SEPTIN8: variants seen among roughly 807,000 people sequenced by gnomAD.
SEPTIN8 encodes the protein septin-8.
SEPTIN8 carries 22 observed loss-of-function variants against 53.1 expected under a neutral mutation model. The observed-to-expected ratio is 0.41, with a 90% CI of 0.30 to 0.59. The LOEUF (loss-of-function observed/expected upper bound fraction) is 0.59, where lower values mean the gene tolerates loss of function less well. Among genes scored for constraint, SEPTIN8 ranks in the 20% least tolerant of loss-of-function variants. The pLI, the probability that SEPTIN8 is intolerant of heterozygous loss-of-function variation, is 0.24. For missense variants in SEPTIN8, 536 were observed against 638.7 expected, an observed-to-expected ratio of 0.84 and a Z score of 1.73; for synonymous variants, 228 against 248.4, an observed-to-expected ratio of 0.92 and a Z score of 0.77.
chr5:132,765,093 G>T (rs1160592413), intron 2 of SEPTIN8, among the ~76,000 whole-genome samples: 1 of 152,050 alleles, frequency 6.6e-6, no homozygotes, highest in African/African-American at 2.4e-5. Flanking sequence ...GTGGGAAGCA[G>T]TAAATGAGTA....
rs115198828 is a variant in SEPTIN8, at chr5:132,752,929, T to C, written c.1287-748A>G. ...AATGCAGCAACTGAGAAGTCTTCAG[T>C]CATCCTCCTGCACAGACAACTTTGT... On this transcript the variant is annotated intron_variant, in intron 9 of 9. Coordinates refer to ENST00000378719, the MANE Select transcript of SEPTIN8 (RefSeq NM_001098811.2). The C allele has an allele frequency of 3.0e-5, 48 of 1,614,196 alleles. No homozygotes were observed. The East Asian group carries it at 1.0e-3, about 35-fold the overall frequency.
At chr5:132,767,906 TGCC>T (rs1438365176) in intron 1 of SEPTIN8, among the ~76,000 whole-genome samples, 1 of 148,988 alleles carries the variant, frequency 6.7e-6, no homozygotes, top group Non-Finnish European at 1.5e-5. Context: ...TCCTGTAGTC[TGCC>T]GCCAAACCCC....
chr5:132,764,228 C>T lies in SEPTIN8; in HGVS notation c.343G>A (p.Glu115Lys). 6.2e-7 allele frequency: 1 copy of T among 1,611,630 alleles called. No homozygotes were observed. Among genetic ancestry groups the T allele is most frequent in the Non-Finnish European group, 8.5e-7 (1 of 1,178,528 alleles). ...GCCGCCCTTCCCGCCTCTTGCCTCT[C>T]ATCCTTATTGATCTGATCCCCAAAG... ...VGFGDQINKD[E>K]SYRPIVDYID... is the part of the protein sequence containing the mutation. The change falls in exon 3 of 10, where the codon GAG becomes AAG. Residue 115 changes from glutamate (E) to lysine (K), a missense_variant. Physicochemically the swap from Glu to Lys is moderately conservative, Grantham distance 56 (BLOSUM62 1). Around this residue, in one of 3 missense-constraint regions of SEPTIN8, gnomAD observed 395 missense variants for 451.8 expected, o/e 0.87. Transcript: ENST00000378719.
chr5:132,771,513 A>T (rs1757316119), intron 1 of SEPTIN8, among the ~76,000 whole-genome samples: 2 of 152,162 alleles, frequency 1.3e-5, no homozygotes, highest in Admixed American at 1.3e-4. Flanking sequence ...ACTCACCTGT[A>T]CACCCAGTCA....
chr5:132,758,443 A>G (rs376081226), intron 9 of SEPTIN8: 91 of 1,588,290 alleles, frequency 5.7e-5, no homozygotes, highest in Non-Finnish European at 7.3e-5. Context: ...GTGAGTTGCC[A>G]TCTCCACGCT....
In SEPTIN8 at chr5:132,761,674, A is replaced by G. The variant is rs755944044; in HGVS notation, c.794-48T>C. On this transcript the variant is annotated intron_variant, in intron 6 of 9. Coordinates refer to ENST00000378719, the MANE Select transcript of SEPTIN8 (RefSeq NM_001098811.2). The surrounding 1 kb of genome is among the most constrained non-coding windows in gnomAD (Gnocchi z 5.8). The stretch of plus-strand genomic sequence containing the variant: ...GTATCAGGCAGGCATGCAGGCGGGC[A>G]CACTCCAGAGTCAGGGTAGGCACGC... 3.1e-6 allele frequency: 5 copies of G among 1,606,044 alleles called. No individual in the cohort carries two copies. The highest frequency in any genetic ancestry group is 4.3e-6 in the Non-Finnish European group (5 of 1,175,792).
rs1049302919 is a variant in SEPTIN8, at chr5:132,776,577, G to C, written c.30+531C>G. 3.3e-5 allele frequency among the ~76,000 whole-genome samples: 5 copies of C among 152,256 alleles called. No homozygotes were observed. The highest frequency in any genetic ancestry group is 7.4e-5 in the Non-Finnish European group (5 of 68,026). ...CCGGCGTGGGGAGCGGGGCAGAGGG[G>C]AGCGGGGGAGGAAGGAAAAGCAGGC... On this transcript the variant is annotated intron_variant, in intron 1 of 9. Coordinates refer to ENST00000378719, the MANE Select transcript of SEPTIN8 (RefSeq NM_001098811.2). The surrounding 1 kb of genome is among the most constrained non-coding windows in gnomAD (Gnocchi z 4.4).
Position 132,761,265 on chromosome 5 carries a change from G to T in SEPTIN8, c.963C>A (p.Ser321Arg), listed in dbSNP as rs1755912540. The T allele has an allele frequency of 1.2e-6, 2 of 1,613,364 alleles. No individual in the cohort carries two copies. Among genetic ancestry groups the T allele is most frequent in the South Asian group, 1.1e-5 (1 of 91,084 alleles). The change falls in exon 8 of 10, where the codon AGC (serine) becomes AGA (arginine). Residue 321 changes from serine (S) to arginine (R), a missense_variant and splice_region_variant. By Grantham distance (110) the Ser-to-Arg change is moderately radical. Transcript: ENST00000378719. This position sits in a 1 kb window ranked among gnomAD's most constrained non-coding sequence, Gnocchi z 5.8. ...QDSDGDSQPF[S>R]LQETYEAKRK... ...TCTTGGCCTCGTATGTCTCTTGTAGGCTGTGGAGACCCAGAGAAAAGAGGC... is the reference window on the plus strand; with the variant it reads ...TCTTGGCCTCGTATGTCTCTTGTAGTCTGTGGAGACCCAGAGAAAAGAGGC...
chr5:132,769,990 T>TATATATATATATATATATATATAC (rs1757023363), intron 1 of SEPTIN8, among the ~76,000 whole-genome samples: 1 of 31,298 alleles, frequency 3.2e-5, no homozygotes, highest in Non-Finnish European at 5.6e-5. Context: ...TACATATATA[T>TATATATATATATATATATATATAC]ATATATATAT....
rs1042962786 is a variant in SEPTIN8, at chr5:132,774,325, A to G, written c.30+2783T>C. The G allele has an allele frequency of 2.5e-5, 4 of 160,792 alleles. No individual in the cohort carries two copies. In the Admixed American group the frequency reaches 2.6e-4, roughly 11 times the overall value. 10.0% of individuals were successfully genotyped at this position (160,792 alleles called of 1,614,324 possible). A position where few individuals can be genotyped will look rare whatever the true frequency, so the allele number is the denominator to read the frequency against. The stretch of plus-strand genomic sequence containing the variant: ...CTCAGCTTCACTTTCCCCAAGCCCT[A>G]AAGGGTTGCTCACCACGGGGTCTGA... On this transcript the variant is annotated intron_variant, in intron 1 of 9. Transcript: ENST00000378719.
At chr5:132,774,603 T>C (rs1757621139) in intron 1 of SEPTIN8, among the ~76,000 whole-genome samples, 1 of 152,294 alleles carries the variant, frequency 6.6e-6, no homozygotes, top group South Asian at 2.1e-4. Context: ...GCCAAGGCTG[T>C]TGGCCTGTGG....
intron 1 of SEPTIN8, among the ~76,000 whole-genome samples, chr5:132,769,726 G>C (rs1487117597): frequency 6.6e-6 from 1 of 151,756 alleles, no homozygotes; most frequent in East Asian, 1.9e-4. Flanking sequence ...GATCTGAATG[G>C]AGACAACATG....
chr5:132,758,575 G>C lies in SEPTIN8; in HGVS notation c.1286+2227C>G, dbSNP rs774927929. The C allele has an allele frequency of 1.6e-5, 26 of 1,611,078 alleles. No individual in the cohort carries two copies. In the South Asian group the frequency reaches 2.6e-4, roughly 16 times the overall value. On this transcript the variant is annotated intron_variant, in intron 9 of 9. Coordinates refer to ENST00000378719, the MANE Select transcript of SEPTIN8 (RefSeq NM_001098811.2). ...ACTGGCTCTGAAAAAAATAAACCTC[G>C]TCAGTTTTGGATTCCAGCATTCATG...
At chr5:132,759,659 C>T (rs1050798560) in intron 9 of SEPTIN8, among the ~76,000 whole-genome samples, 25 of 152,294 alleles carry the variant, frequency 1.6e-4, no homozygotes, top group Admixed American at 3.3e-4. Context: ...CATACACATC[C>T]CCAAATATCC....
chr5:132,752,869 G>A (rs763875512), intron 9 of SEPTIN8: 1 of 1,613,202 alleles, frequency 6.2e-7, no homozygotes. Context: ...AATACAGGTT[G>A]GTGATATGCA....
intron 1 of SEPTIN8, 56 bp from the exon 2 acceptor site, chr5:132,765,585 T>G: frequency 1.3e-6 from 2 of 1,527,036 alleles, no homozygotes; most frequent in Non-Finnish European, 1.7e-6. Flanking sequence ...AAGGTCAAGC[T>G]GCGGGGTGGG....
chr5:132,772,046 C>T (rs1211733506), intron 1 of SEPTIN8, among the ~76,000 whole-genome samples: 1 of 152,200 alleles, frequency 6.6e-6, no homozygotes, highest in African/African-American at 2.4e-5. Flanking sequence ...GCCATGGTCC[C>T]AACATGACGG....
At chr5:132,764,586 A>C (rs1343438167) in intron 2 of SEPTIN8, among the ~76,000 whole-genome samples, 167 bp from the exon 3 acceptor site, 4 of 152,178 alleles carry the variant, frequency 2.6e-5, no homozygotes, top group Non-Finnish European at 5.9e-5. Flanking sequence ...CCCAGGAACT[A>C]TCTTTTCCTG....
rs770162115 is a variant in SEPTIN8 at position 132,751,940 on chromosome 5, C to A, written c.*76G>T. Reference sequence around the variant, plus strand: ...TAGGAAAAGTATGGCGTTTTCTGTTCTAACATTAAAAACCATGGTCTCCAG... The same window carrying A: ...TAGGAAAAGTATGGCGTTTTCTGTTATAACATTAAAAACCATGGTCTCCAG... On this transcript the variant is annotated 3_prime_UTR_variant, in exon 10 of 10. Transcript: ENST00000378719. 5.0e-6 allele frequency: 8 copies of A among 1,585,104 alleles called. No individual in the cohort carries two copies. Among genetic ancestry groups the A allele is most frequent in the Non-Finnish European group, 6.0e-6 (7 of 1,164,548 alleles).
Sources: gnomAD v4.1 joint callset for allele counts (sites outside exome capture counted in the v4.1 genomes callset) on GRCh38, gnomAD v4.1.1 for gene constraint, gnomAD v4.1.1 regional missense constraint, Gnocchi (gnomAD v3.1) non-coding constraint, MANE v1.5 for transcripts, NCBI Gene and HGNC (gene_info 2026-07-23, HGNC 2026-07-21) for gene names.